The following R3HDM2 variants were observed in gnomAD, a reference collection of about 807,000 sequenced individuals.
R3HDM2 encodes the protein R3H domain containing 2, also known as R3H domain-containing protein 2.
In R3HDM2, 38 loss-of-function variants were observed where a neutral mutation model predicts 124.5. That is an observed-to-expected ratio of 0.31 (90% confidence interval 0.24 to 0.40). R3HDM2 has a LOEUF of 0.40. Among genes scored for constraint, R3HDM2 ranks in the 10% least tolerant of loss-of-function variants. The pLI is 1.00. For synonymous variants in R3HDM2, 391 were observed against 448.0 expected, an observed-to-expected ratio of 0.87 and a Z score of 1.61; for missense variants, 869 against 1,236.9, an observed-to-expected ratio of 0.70 and a Z score of 4.46.
At chr12:57,344,904 G>A (rs554566792) in intron 2 of R3HDM2, among the ~76,000 whole-genome samples, 18 of 151,780 alleles carry the variant, frequency 1.2e-4, no homozygotes, top group African/African-American at 3.4e-4. Flanking sequence ...TCAGCTCACC[G>A]CAACCTCCAC....
intron 2 of R3HDM2, among the ~76,000 whole-genome samples, chr12:57,374,399 A>T (rs1283261978): frequency 6.6e-6 from 1 of 151,734 alleles, no homozygotes; most frequent in Admixed American, 6.6e-5. Context: ...GACAAGAATG[A>T]CCAGACCAGG....
chr12:57,395,812 C>T lies in R3HDM2; in HGVS notation c.-99G>A, dbSNP rs1209994423. The T allele has an allele frequency of 1.0e-6, 1 of 984,274 alleles. No homozygotes were observed. Among genetic ancestry groups the T allele is most frequent in the Non-Finnish European group, 1.2e-6 (1 of 829,330 alleles). The allele number at this position is 984,274 out of a possible 1,614,324, so 61.0% of individuals were successfully genotyped here. ...ATGGCATCACATATAAGAAACAAGT[C>T]TAACCTCTGGGGGAGGAGGGGGAAA... is the stretch of plus-strand genomic sequence containing the variant. On this transcript the variant is annotated 5_prime_UTR_variant, in exon 2 of 24. Transcript: ENST00000402412.
chr12:57,385,311 G>GTGATATCT (rs1378947197), intron 2 of R3HDM2, among the ~76,000 whole-genome samples: 70 of 146,258 alleles, frequency 4.8e-4, no homozygotes, highest in African/African-American at 1.7e-3. Flanking sequence ...GGCGCAATCT[G>GTGATATCT]GCTCACTGCA....
chr12:57,324,975 G>A (rs1482506750), intron 2 of R3HDM2, among the ~76,000 whole-genome samples: 25 of 152,194 alleles, frequency 1.6e-4, no homozygotes, highest in Admixed American at 1.6e-3. Context: ...GTACACCAGA[G>A]GCATGGTGCC....
chr12:57,320,064 G>A (rs756099261), intron 2 of R3HDM2, among the ~76,000 whole-genome samples: 22 of 151,796 alleles, frequency 1.4e-4, no homozygotes, highest in African/African-American at 5.1e-4. Flanking sequence ...TTTGAGATGA[G>A]CCTGGCCAAC....
At chr12:57,357,323 G>C (rs1002826616) in intron 2 of R3HDM2, among the ~76,000 whole-genome samples, 5 of 151,760 alleles carry the variant, frequency 3.3e-5, no homozygotes, top group East Asian at 1.9e-4. Flanking sequence ...TTAGCTGGGC[G>C]TGGTGGCACA....
At chr12:57,389,551 A>T (rs562434451) in intron 2 of R3HDM2, among the ~76,000 whole-genome samples, 1 of 152,324 alleles carries the variant, frequency 6.6e-6, no homozygotes, top group East Asian at 1.9e-4. Context: ...ACACAGATAA[A>T]TCTTTAAGAA....
At chr12:57,255,246 A>T in intron 23 of R3HDM2, 133 bp from the exon 24 acceptor site, 1 of 709,570 alleles carries the variant, frequency 1.4e-6, no homozygotes, top group Non-Finnish European at 2.2e-6. Context: ...TTTCTCTCTT[A>T]GCCCTTTCTT....
At chr12:57,361,687 CA>C (rs201373861) in intron 2 of R3HDM2, among the ~76,000 whole-genome samples, 7 of 147,360 alleles carry the variant, frequency 4.8e-5, no homozygotes, top group Non-Finnish European at 7.5e-5. Flanking sequence ...AGACTGTCTC[CA>C]AAAAAAAACC....
At chr12:57,258,350 ATTTATTTT>A (rs2137004367) in intron 20 of R3HDM2, among the ~76,000 whole-genome samples, 1 of 147,538 alleles carries the variant, frequency 6.8e-6, no homozygotes, top group African/African-American at 2.5e-5. Context: ...TTATTTATTT[ATTTATTTT>A]GAGATGGAGT....
Position 57,424,673 on chromosome 12 carries a change from A to T in R3HDM2, c.-106+6047T>A, listed in dbSNP as rs116486739. On this transcript the variant is annotated intron_variant, in intron 1 of 23. Transcript: ENST00000402412. Reference sequence around the variant, plus strand: ...TACGCAACAAAGACACAGGCCCAACAAAAATATGAACTGTATTTTTTGAAA... The same window carrying T: ...TACGCAACAAAGACACAGGCCCAACTAAAATATGAACTGTATTTTTTGAAA... 9.0e-3 allele frequency among the ~76,000 whole-genome samples: 1,372 copies of T among 152,278 alleles called. 12 individuals are homozygous for T. Among genetic ancestry groups the T allele is most frequent in the African/African-American group, 0.032 (1,335 of 41,566 alleles).
intron 1 of R3HDM2, among the ~76,000 whole-genome samples, chr12:57,411,365 T>C (rs1221565752): frequency 2.0e-5 from 3 of 152,150 alleles, no homozygotes; most frequent in Non-Finnish European, 4.4e-5. Context: ...GTAGAGACCA[T>C]GTTCACCAGG....
Position 57,373,227 on chromosome 12 carries a change from G to A in R3HDM2, c.-36+22522C>T, listed in dbSNP as rs145043084. Among the ~76,000 whole-genome samples, 331 of 152,190 alleles carry A rather than the reference G, an allele frequency of 2.2e-3. 2 individuals are homozygous for A. The highest frequency in any genetic ancestry group is 2.9e-3 in the Non-Finnish European group (197 of 68,002). ...TAAAAACAGTAATAACAAGCCGGGCGCGGTGGCTCACGCCTGTAATCTCAG... is the reference window on the plus strand; with the variant it reads ...TAAAAACAGTAATAACAAGCCGGGCACGGTGGCTCACGCCTGTAATCTCAG... On this transcript the variant is annotated intron_variant, in intron 2 of 23. Coordinates refer to ENST00000402412, the MANE Select transcript of R3HDM2 (RefSeq NM_001394031.1).
chr12:57,385,997 T>A (rs2065679103), intron 2 of R3HDM2, among the ~76,000 whole-genome samples: 1 of 152,246 alleles, frequency 6.6e-6, no homozygotes, highest in Non-Finnish European at 1.5e-5. Flanking sequence ...AGAATCCAGC[T>A]GTCTTCTATT....
intron 2 of R3HDM2, among the ~76,000 whole-genome samples, chr12:57,382,417 T>C (rs999914608): frequency 1.3e-5 from 2 of 151,824 alleles, no homozygotes; most frequent in Admixed American, 6.6e-5. Context: ...CAGCTAATTT[T>C]TGTATTTTTA....
At chr12:57,311,855 CTTCT>C (rs1461232873) in intron 2 of R3HDM2, among the ~76,000 whole-genome samples, 1 of 152,198 alleles carries the variant, frequency 6.6e-6, no homozygotes, top group Non-Finnish European at 1.5e-5. Context: ...GGGATGGCTG[CTTCT>C]TTATCACTTA....
chr12:57,278,212 C>A (rs2045302607), intron 14 of R3HDM2, among the ~76,000 whole-genome samples: 1 of 152,158 alleles, frequency 6.6e-6, no homozygotes, highest in Admixed American at 6.5e-5. Context: ...TAACCTGGCA[C>A]CACACTCCCC....
chr12:57,286,090 C>T (rs1405744520), intron 12 of R3HDM2, among the ~76,000 whole-genome samples: 3 of 152,168 alleles, frequency 2.0e-5, no homozygotes, highest in Admixed American at 1.3e-4. Context: ...GAATGCTACC[C>T]AGATTCAATT....
chr12:57,303,308 C>A lies in R3HDM2; in HGVS notation c.166-91G>T, dbSNP rs570306288. ...CATGTTTATAAAGAAAAAGCACTAA[C>A]TGTAAAAACCATTACAACAGCCAAA... On this transcript the variant is annotated intron_variant, in intron 3 of 23. Transcript: ENST00000402412. 50 of 1,192,154 alleles carry A rather than the reference C, an allele frequency of 4.2e-5. No homozygotes were observed. The African/African-American group carries it at 6.6e-4, about 16-fold the overall frequency. 73.8% of individuals were successfully genotyped at this position (1,192,154 alleles called of 1,614,324 possible).
Sources: gnomAD v4.1 joint callset for allele counts (sites outside exome capture counted in the v4.1 genomes callset) on GRCh38, gnomAD v4.1.1 for gene constraint, MANE v1.5 for transcripts, NCBI Gene and HGNC (gene_info 2026-07-23, HGNC 2026-07-21) for gene names.